Variants in CFAP221 observed in about 807,000 individuals in gnomAD.
CFAP221 encodes the protein cilia- and flagella-associated protein 221.
CFAP221 carries 97 observed loss-of-function variants against 113.1 expected under a neutral mutation model. The observed-to-expected ratio is 0.86, with a 90% CI of 0.73 to 1.02. The LOEUF is 1.02. Ranked by LOEUF, CFAP221 falls within the 50% of genes least tolerant of loss-of-function variation. CFAP221 has a pLI of 0.00. For synonymous variants in CFAP221, 331 were observed against 354.4 expected, an observed-to-expected ratio of 0.93 and a Z score of 0.74; for missense variants, 1,025 against 1,013.4, an observed-to-expected ratio of 1.01 and a Z score of -0.16.
At chr2:119,613,933 T>G (rs943060337) in intron 13 of CFAP221, among the ~76,000 whole-genome samples, 2 of 152,234 alleles carry the variant, frequency 1.3e-5, no homozygotes, top group African/African-American at 4.8e-5. Context: ...AACCATATCT[T>G]CGTGAATACA....
intron 1 of CFAP221, 27 bp downstream of exon 1, chr2:119,544,537 G>A (rs1679913419): frequency 6.6e-6 from 1 of 152,194 alleles, no homozygotes; most frequent in East Asian, 1.9e-4. Context: ...CTGGGGCCCG[G>A]GTGGCCCAGG....
chr2:119,638,550 G>C, intron 20 of CFAP221, 133 bp downstream of exon 20: 1 of 1,164,220 alleles, frequency 8.6e-7, no homozygotes, highest in African/African-American at 1.5e-5. Context: ...TGGTAACACC[G>C]CCCCTCATAC....
At chr2:119,567,615 C>T (rs1339626527) in intron 6 of CFAP221, among the ~76,000 whole-genome samples, 2 of 152,130 alleles carry the variant, frequency 1.3e-5, no homozygotes, top group Non-Finnish European at 2.9e-5. Flanking sequence ...TGTAAGTTTT[C>T]AATTCCTTTG....
At chr2:119,552,303 TTC>T (rs1486283360) in intron 3 of CFAP221, among the ~76,000 whole-genome samples, 14 of 147,236 alleles carry the variant, frequency 9.5e-5, no homozygotes, top group Admixed American at 2.0e-4. Flanking sequence ...ATAGAAATAT[TTC>T]TTTCTTTAAT....
rs1273887265 is a variant in CFAP221 at position 119,604,999 on chromosome 2, A to C, written c.1024+12A>C. On this transcript the variant is annotated intron_variant, in intron 10 of 23. Coordinates refer to ENST00000413369, the MANE Select transcript of CFAP221 (RefSeq NM_001271049.2). ...AGAATTAAGAGAAGGTAACCAGTTG[A>C]TTGGCCATAAAGCAGCCCCTGAGCA... 1.2e-6 allele frequency: 2 copies of C among 1,610,064 alleles called. No individual in the cohort carries two copies. The highest frequency in any genetic ancestry group is 1.7e-6 in the Non-Finnish European group (2 of 1,176,474).
chr2:119,545,374 G>A (rs1016079336), intron 1 of CFAP221: 2 of 152,220 alleles, frequency 1.3e-5, no homozygotes, highest in African/African-American at 4.8e-5. Context: ...TAGAAGCAGT[G>A]ATTGCTAAAG....
intron 14 of CFAP221, among the ~76,000 whole-genome samples, chr2:119,622,920 T>A (rs1686038939): frequency 6.6e-6 from 1 of 152,150 alleles, no homozygotes; most frequent in South Asian, 2.1e-4. Context: ...TCATACTGAA[T>A]GGGCAAAAGC....
intron 12 of CFAP221, 120 bp downstream of exon 12, chr2:119,608,709 G>A (rs775429707): frequency 9.1e-5 from 72 of 794,736 alleles, no homozygotes; most frequent in Admixed American, 3.0e-4. Flanking sequence ...AAAGGCTGAC[G>A]ACAAGTAAAT....
At chr2:119,653,296 G>T (rs1006947685) in intron 23 of CFAP221, among the ~76,000 whole-genome samples, 1 of 151,966 alleles carries the variant, frequency 6.6e-6, no homozygotes, top group East Asian at 1.9e-4. Context: ...CAGGAGAATC[G>T]CTTGAACCTG....
chr2:119,547,679 C>G (rs1680147286), intron 2 of CFAP221, among the ~76,000 whole-genome samples: 1 of 152,174 alleles, frequency 6.6e-6, no homozygotes, highest in African/African-American at 2.4e-5. Flanking sequence ...GTCAGTTCCC[C>G]TACCACACCA....
intron 6 of CFAP221, among the ~76,000 whole-genome samples, chr2:119,569,387 G>A (rs1292682079): frequency 6.6e-6 from 1 of 151,430 alleles, no homozygotes; most frequent in Non-Finnish European, 1.5e-5. Flanking sequence ...CAAAGTGCTG[G>A]GATTACAGAT....
intron 6 of CFAP221, among the ~76,000 whole-genome samples, chr2:119,578,402 C>G (rs1344904910): frequency 6.6e-6 from 1 of 152,204 alleles, no homozygotes; most frequent in Non-Finnish European, 1.5e-5. Flanking sequence ...GTCTTCTGTA[C>G]CTTCAGAGGG....
chr2:119,553,760 G>A (rs1353721744), intron 3 of CFAP221, among the ~76,000 whole-genome samples: 1 of 152,122 alleles, frequency 6.6e-6, no homozygotes, highest in Non-Finnish European at 1.5e-5. Flanking sequence ...AAGATATGAA[G>A]CCTCAGCTCG....
intron 6 of CFAP221, among the ~76,000 whole-genome samples, chr2:119,570,814 G>A (rs964653719): frequency 1.3e-5 from 2 of 152,092 alleles, no homozygotes; most frequent in Admixed American, 6.5e-5. Context: ...CTACTTTGGG[G>A]CAATTATGAA....
At chr2:119,630,926 T>G (rs779695605) in intron 19 of CFAP221, 25 bp downstream of exon 19, 10 of 1,607,244 alleles carry the variant, frequency 6.2e-6, no homozygotes, top group Non-Finnish European at 3.4e-6. Flanking sequence ...GCAGAAGCCT[T>G]GTTTTCTGTG....
intron 1 of CFAP221, 25 bp from the exon 2 acceptor site, chr2:119,546,060 T>C: frequency 7.0e-7 from 1 of 1,430,424 alleles, no homozygotes; most frequent in South Asian, 1.4e-5. Context: ...CATGGATGAT[T>C]ATACTGCTGC....
chr2:119,576,108 A>T (rs1341828095), intron 6 of CFAP221, among the ~76,000 whole-genome samples: 1 of 152,222 alleles, frequency 6.6e-6, no homozygotes, highest in Non-Finnish European at 1.5e-5. Flanking sequence ...AGAAACCATC[A>T]AGCCCCCTTG....
intron 21 of CFAP221, among the ~76,000 whole-genome samples, chr2:119,643,277 ATAGT>A (rs1441500618): frequency 9.8e-5 from 15 of 152,374 alleles, no homozygotes; most frequent in African/African-American, 3.4e-4. Flanking sequence ...ACCATGCAAT[ATAGT>A]TAGTGTTTAT....
chr2:119,613,104 A>T (rs1266088048), intron 13 of CFAP221, among the ~76,000 whole-genome samples: 2 of 152,222 alleles, frequency 1.3e-5, no homozygotes, highest in Non-Finnish European at 2.9e-5. Context: ...CTTTGACTCC[A>T]TGTCTCACAT....
Sources: allele counts gnomAD v4.1 joint callset (sites outside exome capture counted in the v4.1 genomes callset), GRCh38; gene constraint gnomAD v4.1.1; transcripts MANE v1.5; gene names NCBI Gene and HGNC (gene_info 2026-07-23, HGNC 2026-07-21).